Variants in PTPRD observed in about 807,000 individuals in gnomAD.
PTPRD encodes the protein protein tyrosine phosphatase receptor type D.
In PTPRD, 34 loss-of-function variants were observed where a neutral mutation model predicts 214.5. The observed-to-expected ratio is 0.16, with a 90% CI of 0.12 to 0.21. The LOEUF (loss-of-function observed/expected upper bound fraction) is 0.21, where lower values mean the gene tolerates loss of function less well. Ranked by LOEUF, PTPRD falls within the 10% of genes least tolerant of loss-of-function variation. The probability of loss-of-function intolerance (pLI) is 1.00; values close to 1 mark genes in which losing one functional copy is unlikely to be tolerated. For synonymous variants in PTPRD, 1,128 were observed against 845.7 expected (o/e 1.33, Z -5.79); for missense variants, 2,545 against 2,398.7 (o/e 1.06, Z -1.27).
chr9:9,079,605 A>G (rs910272703), intron 10 of PTPRD, among the ~76,000 whole-genome samples: 2 of 135,090 alleles, frequency 1.5e-5, no homozygotes, highest in African/African-American at 6.8e-5. Flanking sequence ...CTAGTTTACA[A>G]TTGGACTGGG....
chr9:9,797,132 T>A (rs2099007675), intron 5 of PTPRD, among the ~76,000 whole-genome samples: 1 of 151,780 alleles, frequency 6.6e-6, no homozygotes, highest in Non-Finnish European at 1.5e-5. Context: ...GAAGAGAGTG[T>A]TACAAAGTAT....
intron 7 of PTPRD, among the ~76,000 whole-genome samples, chr9:9,645,582 T>C (rs1244289992): frequency 1.3e-5 from 2 of 151,706 alleles, no homozygotes; most frequent in Non-Finnish European, 2.9e-5. Context: ...ATCCCAGAAT[T>C]TCTGATGTCT....
intron 2 of PTPRD, among the ~76,000 whole-genome samples, chr9:10,473,078 A>G (rs1167275315): frequency 6.6e-6 from 1 of 152,068 alleles, no homozygotes; most frequent in African/African-American, 2.4e-5. Context: ...TTGTTATATC[A>G]CGCTCCAGTA....
At chr9:9,504,822 A>G (rs1262852497) in intron 8 of PTPRD, among the ~76,000 whole-genome samples, 2 of 151,750 alleles carry the variant, frequency 1.3e-5, no homozygotes, top group African/African-American at 2.4e-5. Flanking sequence ...TTGAAAATCA[A>G]TATGCAAAAA....
chr9:9,688,244 A>G (rs2097200256), intron 7 of PTPRD, among the ~76,000 whole-genome samples: 1 of 151,920 alleles, frequency 6.6e-6, no homozygotes. Flanking sequence ...CTGGCCTTTT[A>G]AAACCAAAAT....
At chr9:8,733,481 G>C (rs548425238) in intron 12 of PTPRD, among the ~76,000 whole-genome samples, 35 of 152,236 alleles carry the variant, frequency 2.3e-4, no homozygotes, top group Admixed American at 1.5e-3. Context: ...CTCAGTTTGA[G>C]TTATATCCTT....
intron 9 of PTPRD, among the ~76,000 whole-genome samples, chr9:9,372,556 A>T (rs1302046890): frequency 6.6e-6 from 1 of 151,726 alleles, no homozygotes; most frequent in African/African-American, 2.4e-5. Context: ...ATGGGTCTTG[A>T]CTCTTTATCC....
intron 10 of PTPRD, among the ~76,000 whole-genome samples, chr9:9,159,026 C>A (rs546097226): frequency 3.3e-5 from 5 of 152,224 alleles, no homozygotes; most frequent in Non-Finnish European, 7.4e-5. Context: ...ATAATAAAAT[C>A]TAATAGACAA....
At chr9:9,874,847 T>G (rs549286521) in intron 5 of PTPRD, among the ~76,000 whole-genome samples, 1 of 152,192 alleles carries the variant, frequency 6.6e-6, no homozygotes, top group Non-Finnish European at 1.5e-5. Flanking sequence ...GAATTTGAGA[T>G]TAGTGATACA....
chr9:10,580,002 T>C (rs779428146), intron 2 of PTPRD, among the ~76,000 whole-genome samples: 17 of 152,172 alleles, frequency 1.1e-4, no homozygotes, highest in Non-Finnish European at 7.3e-5. Flanking sequence ...ATTCTAGATA[T>C]TAGTTTTCAC....
chr9:10,226,103 A>T (rs2099587982), intron 3 of PTPRD, among the ~76,000 whole-genome samples: 1 of 152,030 alleles, frequency 6.6e-6, no homozygotes, highest in Admixed American at 6.6e-5. Flanking sequence ...TGCACAAGTC[A>T]ATATCCATTG....
At chr9:10,134,838 C>T (rs1435581519) in intron 3 of PTPRD, among the ~76,000 whole-genome samples, 1 of 152,128 alleles carries the variant, frequency 6.6e-6, no homozygotes, top group Non-Finnish European at 1.5e-5. Context: ...TTCAGACAAT[C>T]ACCATGGCTC....
At chr9:9,935,315 T>C (rs2088770845) in intron 5 of PTPRD, among the ~76,000 whole-genome samples, 2 of 152,244 alleles carry the variant, frequency 1.3e-5, no homozygotes, top group African/African-American at 2.4e-5. Flanking sequence ...TGATTGTATA[T>C]CTAGAAAACC....
chr9:8,542,072 A>G (rs186924100), intron 14 of PTPRD, among the ~76,000 whole-genome samples: 46 of 152,280 alleles, frequency 3.0e-4, no homozygotes, highest in Non-Finnish European at 6.3e-4. Context: ...TTCTTCTTCA[A>G]TAGATTAAAC....
intron 5 of PTPRD, among the ~76,000 whole-genome samples, chr9:9,872,107 C>T (rs1183769279): frequency 6.6e-6 from 1 of 152,082 alleles, no homozygotes; most frequent in Non-Finnish European, 1.5e-5. Context: ...TATAATCACT[C>T]ATCAGTTTCA....
At chr9:8,327,973 T>C (rs1029189526) in intron 44 of PTPRD, among the ~76,000 whole-genome samples, 11 of 151,966 alleles carry the variant, frequency 7.2e-5, no homozygotes, top group African/African-American at 2.7e-4. Context: ...CTTTATCCAA[T>C]TGGCCAGTGT....
chr9:8,885,064 T>C (rs2154226003), intron 11 of PTPRD, among the ~76,000 whole-genome samples: 1 of 152,198 alleles, frequency 6.6e-6, no homozygotes, highest in East Asian at 1.9e-4. Flanking sequence ...AGTGAAGTGC[T>C]GATTGTGTTG....
intron 39 of PTPRD, among the ~76,000 whole-genome samples, chr9:8,359,963 T>C (rs1471280740): frequency 6.6e-6 from 1 of 152,218 alleles, no homozygotes; most frequent in Non-Finnish European, 1.5e-5. Context: ...CATTGCTTAC[T>C]GCACTAGGTC....
intron 14 of PTPRD, among the ~76,000 whole-genome samples, chr9:8,583,554 C>T (rs1297087891): frequency 6.6e-6 from 1 of 151,980 alleles, no homozygotes; most frequent in Non-Finnish European, 1.5e-5. Flanking sequence ...AGAATGATAC[C>T]AGTTATGTAG....
Sources: gnomAD v4.1 joint callset for allele counts (sites outside exome capture counted in the v4.1 genomes callset) on GRCh38, gnomAD v4.1.1 for gene constraint, MANE v1.5 for transcripts, NCBI Gene and HGNC (gene_info 2026-07-23, HGNC 2026-07-21) for gene names.